Variants in USP47 observed in about 807,000 individuals in gnomAD.
The protein encoded by USP47 is ubiquitin specific peptidase 47, also known as ubiquitin carboxyl-terminal hydrolase 47.
Under a neutral mutation model 165.1 loss-of-function variants are expected in USP47, and 35 were observed. That is an observed-to-expected ratio of 0.21 (90% confidence interval 0.16 to 0.28). The LOEUF is 0.28. Among genes scored for constraint, USP47 ranks in the 10% least tolerant of loss-of-function variants. USP47 has a pLI of 1.00. For synonymous variants in USP47, 531 were observed against 544.5 expected (o/e 0.98, Z 0.35); for missense variants, 1,277 against 1,607.4 (o/e 0.79, Z 3.52).
chr11:11,952,705 G>A, intron 24 of USP47, 36 bp from the exon 25 acceptor site: 1 of 1,538,234 alleles, frequency 6.5e-7, no homozygotes, highest in African/African-American at 1.4e-5. Flanking sequence ...ACCTTCAGAG[G>A]AAATAGAATG....
At chr11:11,860,365 G>A (rs1220127074) in intron 1 of USP47, among the ~76,000 whole-genome samples, 6 of 151,928 alleles carry the variant, frequency 3.9e-5, no homozygotes, top group Non-Finnish European at 7.4e-5. Context: ...AAGAAAAGTA[G>A]CCACTTTGAC....
Position 11,938,276 on chromosome 11 carries a change from T to C in USP47, c.2097T>C (p.His699=), listed in dbSNP as rs1249741520. The change falls in exon 18 of 28, where the codon CAT becomes CAC. Residue 699 remains histidine, a synonymous_variant. Transcript: ENST00000527733. ...YKPGEVMVKV[H]VVDLKAESVA... ...TGACAGAAGTGATGGTGAAAGTTCA[T>C]GTTGTTGATCTAAAGGCAGAATCTG... is the stretch of plus-strand genomic sequence containing the variant. 9 of 1,611,994 alleles carry C rather than the reference T, an allele frequency of 5.6e-6. No individual in the cohort carries two copies. The highest frequency in any genetic ancestry group is 7.6e-6 in the Non-Finnish European group (9 of 1,178,750).
intron 1 of USP47, among the ~76,000 whole-genome samples, chr11:11,848,402 C>T (rs1380274578): frequency 2.0e-5 from 3 of 152,166 alleles, no homozygotes; most frequent in South Asian, 2.1e-4. Flanking sequence ...TTCAAACATA[C>T]AGAAGGTACA....
chr11:11,851,638 G>C (rs2134141364), intron 1 of USP47, among the ~76,000 whole-genome samples: 1 of 152,248 alleles, frequency 6.6e-6, no homozygotes, highest in African/African-American at 2.4e-5. Context: ...AATTTATTCA[G>C]ATTTTACCAG....
At chr11:11,906,112 T>C (rs1852546534) in intron 8 of USP47, among the ~76,000 whole-genome samples, 1 of 152,146 alleles carries the variant, frequency 6.6e-6, no homozygotes, top group African/African-American at 2.4e-5. Flanking sequence ...ATTGGAGGAT[T>C]AGCTAAGATT....
chr11:11,940,574 A>G (rs370298743), intron 19 of USP47, 26 bp downstream of exon 19: 2 of 1,606,594 alleles, frequency 1.2e-6, no homozygotes, highest in Non-Finnish European at 1.7e-6. Flanking sequence ...TTTCATTACT[A>G]TTTTCTATGC....
At chr11:11,948,650 G>A in intron 22 of USP47, 92 bp downstream of exon 22, 1 of 1,312,090 alleles carries the variant, frequency 7.6e-7, no homozygotes, top group Non-Finnish European at 1.0e-6. Flanking sequence ...TTATTTCTCT[G>A]AAGCAAAGGT....
chr11:11,847,819 A>C (rs1450865564), intron 1 of USP47, among the ~76,000 whole-genome samples: 1 of 152,196 alleles, frequency 6.6e-6, no homozygotes, highest in African/African-American at 2.4e-5. Context: ...TGAGATTAAG[A>C]TTTACCTGTT....
At chr11:11,936,843 C>T (rs984936981) in intron 17 of USP47, among the ~76,000 whole-genome samples, 5 of 151,840 alleles carry the variant, frequency 3.3e-5, no homozygotes, top group African/African-American at 9.7e-5. Context: ...TTAGGAAGAT[C>T]TCTCTTTCTC....
intron 18 of USP47, 33 bp from the exon 19 acceptor site, chr11:11,940,396 A>C (rs2134765015): frequency 6.4e-7 from 1 of 1,553,986 alleles, no homozygotes; most frequent in African/African-American, 1.4e-5. Context: ...TATTTTTGAA[A>C]GAGTACTTTT....
intron 1 of USP47, among the ~76,000 whole-genome samples, chr11:11,846,619 A>G (rs1848441878): frequency 6.6e-6 from 1 of 152,056 alleles, no homozygotes; most frequent in South Asian, 2.1e-4. Context: ...TTTATTGAGC[A>G]TTTATTTATA....
intron 11 of USP47, among the ~76,000 whole-genome samples, chr11:11,924,665 C>T (rs2134633966): frequency 6.6e-6 from 1 of 152,144 alleles, no homozygotes; most frequent in East Asian, 1.9e-4. Context: ...ACCTGTTTCT[C>T]CTTTGTGAGT....
intron 1 of USP47, among the ~76,000 whole-genome samples, chr11:11,842,840 T>C (rs1241457694): frequency 9.4e-5 from 1 of 10,686 alleles, no homozygotes; most frequent in East Asian, 4.4e-3. Flanking sequence ...AGCTGAACTC[T>C]TTTTTTTTTT....
At chr11:11,928,002 A>G (rs1389670240) in intron 11 of USP47, among the ~76,000 whole-genome samples, 2 of 152,086 alleles carry the variant, frequency 1.3e-5, no homozygotes, top group Non-Finnish European at 2.9e-5. Flanking sequence ...TTCTGAATAT[A>G]TCACCATTAT....
chr11:11,863,641 A>G (rs887262353), intron 1 of USP47, among the ~76,000 whole-genome samples: 1 of 152,198 alleles, frequency 6.6e-6, no homozygotes, highest in African/African-American at 2.4e-5. Flanking sequence ...TATTTAGGAA[A>G]TTGGACATCT....
chr11:11,939,251 G>A (rs1486915775), intron 18 of USP47, among the ~76,000 whole-genome samples: 1 of 151,960 alleles, frequency 6.6e-6, no homozygotes, highest in Non-Finnish European at 1.5e-5. Flanking sequence ...TTGAACCGTA[G>A]GTTAATATTC....
At chr11:11,856,942 G>A (rs1389453750) in intron 1 of USP47, 2 of 152,154 alleles carry the variant, frequency 1.3e-5, no homozygotes, top group Non-Finnish European at 1.5e-5. Flanking sequence ...AGGTGACACC[G>A]TGCTAGGCAG....
At chr11:11,890,168 A>G (rs1851421574) in intron 3 of USP47, among the ~76,000 whole-genome samples, 1 of 152,224 alleles carries the variant, frequency 6.6e-6, no homozygotes, top group South Asian at 2.1e-4. Flanking sequence ...TGAAATTCCA[A>G]AAGCAATTGC....
intron 1 of USP47, chr11:11,878,743 G>C (rs1850643164): frequency 6.6e-6 from 1 of 151,812 alleles, no homozygotes; most frequent in Non-Finnish European, 1.5e-5. Context: ...ACTTACTTTT[G>C]TTCTAAACTA....
Sources: allele counts gnomAD v4.1 joint callset (sites outside exome capture counted in the v4.1 genomes callset), GRCh38; gene constraint gnomAD v4.1.1; transcripts MANE v1.5; gene names NCBI Gene and HGNC (gene_info 2026-07-23, HGNC 2026-07-21).